Variants in VRTN observed in about 807,000 individuals in gnomAD.
VRTN encodes vertnin.
Under a neutral mutation model 18.2 loss-of-function variants are expected in VRTN, and 5 were observed. The observed-to-expected ratio is 0.27, with a 90% confidence interval of 0.14 to 0.58. The LOEUF is 0.58. VRTN is among the 20% of genes least tolerant of loss of function. The pLI, the probability that VRTN is intolerant of heterozygous loss-of-function variation, is 0.91. For synonymous variants in VRTN, 381 were observed against 393.7 expected (o/e 0.97, Z 0.38); for missense variants, 741 against 939.4 (o/e 0.79, Z 2.76).
At chr14:74,308,079 T>C (rs2140190617) in intron 1 of VRTN, among the ~76,000 whole-genome samples, 1 of 152,234 alleles carries the variant, frequency 6.6e-6, no homozygotes, top group Non-Finnish European at 1.5e-5. Flanking sequence ...GTGATCGATG[T>C]TTTCTTTTTA....
intron 1 of VRTN, among the ~76,000 whole-genome samples, chr14:74,334,414 C>T (rs2085550335): frequency 6.6e-6 from 1 of 151,998 alleles, no homozygotes; most frequent in Non-Finnish European, 1.5e-5. Context: ...CCTGTAGTCC[C>T]AGCTACTAGG....
intron 2 of VRTN, among the ~76,000 whole-genome samples, chr14:74,338,228 T>C (rs1034871321): frequency 1.3e-5 from 2 of 152,176 alleles, no homozygotes; most frequent in African/African-American, 4.8e-5. Context: ...CTAATCTATA[T>C]TCACACTTAC....
rs561214138 is a variant in VRTN at position 74,340,189 on chromosome 14, C to T, written c.-2+2305C>T. Among the ~76,000 whole-genome samples the T allele has an allele frequency of 1.5e-3, 221 of 151,150 alleles. 2 individuals are homozygous for T. Among genetic ancestry groups the T allele is most frequent in the Non-Finnish European group, 1.6e-3 (110 of 67,792 alleles). ...GTGCAAGGGCACGATCTCAGCTCAC[C>T]GCAACCTCCGCCTCCCAGGTTCAAG... On this transcript the variant is annotated intron_variant, in intron 2 of 2. Coordinates refer to the VRTN transcript ENST00000557177.
intron 1 of VRTN, among the ~76,000 whole-genome samples, chr14:74,353,883 C>T (rs1054835111): frequency 3.3e-5 from 5 of 151,880 alleles, no homozygotes; most frequent in African/African-American, 4.8e-5. Flanking sequence ...CCAGCGTGCC[C>T]GGCTAATTTT....
rs760073981 is a variant in VRTN at position 74,357,853 on chromosome 14, C to G, written c.1070C>G (p.Ser357Cys). ...GCCTGGAAGCATGAGCTGCTGGGCTCTGGCACCTGCCCGGCCTTGCCCCCC... is the reference window on the plus strand; with the variant it reads ...GCCTGGAAGCATGAGCTGCTGGGCTGTGGCACCTGCCCGGCCTTGCCCCCC... ...YYAWKHELLG[S>C]GTCPALPPRE... is the part of the protein sequence containing the mutation. The change falls in exon 2 of 2, where the codon TCT becomes TGT. Residue 357 changes from serine (S) to cysteine (C), a missense_variant. Ser to Cys is a moderately radical substitution (Grantham distance 112, BLOSUM62 -1). Transcript: ENST00000256362. The surrounding 1 kb of genome is among the most constrained non-coding windows in gnomAD (Gnocchi z 7.8). The G allele has an allele frequency of 3.1e-6, 5 of 1,613,824 alleles. No homozygotes were observed. In the East Asian group the frequency reaches 1.1e-4, roughly 36 times the overall value.
Position 74,357,261 on chromosome 14 carries a change from G to A in VRTN, c.478G>A (p.Asp160Asn), listed in dbSNP as rs1327794964. ...PATLEAIFDADVKASCFPSSF... is the reference protein window; with the variant it reads ...PATLEAIFDANVKASCFPSSF... ...CACGCTGGAGGCCATCTTCGATGCC[G>A]ACGTCAAGGCCTCCTGTTTCCCCAG... The change falls in exon 2 of 2, where the codon GAC (aspartate) becomes AAC (asparagine). Residue 160 changes from aspartate (D) to asparagine (N), a missense_variant. Asp to Asn is a conservative substitution (Grantham distance 23). Around this residue, in one of 3 missense-constraint regions of VRTN, gnomAD observed 186 missense variants for 288.3 expected, o/e 0.65. Transcript: ENST00000256362. This position sits in a 1 kb window ranked among gnomAD's most constrained non-coding sequence, Gnocchi z 7.8. 6.2e-7 allele frequency: 1 copy of A among 1,613,748 alleles called. No individual in the cohort carries two copies. The highest frequency in any genetic ancestry group is 8.5e-7 in the Non-Finnish European group (1 of 1,179,830).
chr14:74,351,963 C>G (rs912656003), intron 1 of VRTN, among the ~76,000 whole-genome samples: 10 of 152,004 alleles, frequency 6.6e-5, no homozygotes, highest in Non-Finnish European at 1.2e-4. Flanking sequence ...CCTGCCTCAG[C>G]CTCCCGAGTA....
At chr14:74,336,485 A>G (rs2085565287) in intron 1 of VRTN, among the ~76,000 whole-genome samples, 1 of 152,050 alleles carries the variant, frequency 6.6e-6, no homozygotes, top group South Asian at 2.1e-4. Context: ...TCTCCCAGAC[A>G]CTTCTTTCTA....
At chr14:74,322,392 G>T (rs1262554670) in intron 1 of VRTN, among the ~76,000 whole-genome samples, 1 of 151,636 alleles carries the variant, frequency 6.6e-6, no homozygotes. Flanking sequence ...TCGAGTGATT[G>T]TCCCTCCTCA....
intron 1 of VRTN, among the ~76,000 whole-genome samples, chr14:74,315,687 CAGAT>C (rs537651110): frequency 3.6e-3 from 543 of 152,304 alleles, no homozygotes; most frequent in Non-Finnish European, 4.7e-3. Context: ...AAATATAAAT[CAGAT>C]AGCGCTAAGA....
chr14:74,348,984 G>A (rs575236798), intron 1 of VRTN, among the ~76,000 whole-genome samples: 222 of 150,924 alleles, frequency 1.5e-3, no homozygotes, highest in African/African-American at 4.1e-3. Context: ...TGGATCCCTC[G>A]TCCCTGGAGC....
At position 74,357,041 on chromosome 14, in the gene VRTN, G is replaced by C; in HGVS notation, c.258G>C (p.Leu86=). The change falls in exon 2 of 2, where the codon CTG becomes CTC. Residue 86 remains leucine (L), a synonymous_variant. Transcript: ENST00000256362. This position sits in a 1 kb window ranked among gnomAD's most constrained non-coding sequence, Gnocchi z 7.8. The part of the protein sequence containing the change: ...PLVCKGEGSL[L]FEAASMLLWG... ...TGTGCAAGGGGGAGGGCAGCCTGCTGTTCGAGGCGGCCAGCATGCTGCTGT... is the reference window on the plus strand; with the variant it reads ...TGTGCAAGGGGGAGGGCAGCCTGCTCTTCGAGGCGGCCAGCATGCTGCTGT... 1 of 1,609,318 alleles carries C rather than the reference G, an allele frequency of 6.2e-7. No individual in the cohort carries two copies. The highest frequency in any genetic ancestry group is 8.5e-7 in the Non-Finnish European group (1 of 1,178,048).
rs190887559 is a variant in VRTN at position 74,318,206 on chromosome 14, G to C, written c.-164+15030G>C. On this transcript the variant is annotated intron_variant, in intron 1 of 2. Transcript: ENST00000557177. ...GCCATCTCCACCTCCCAGGTTCAAG[G>C]GATTCTCCTGCCTCAGCCTCCTGAA... is the stretch of plus-strand genomic sequence containing the variant. Among the ~76,000 whole-genome samples the C allele has an allele frequency of 2.9e-3, 442 of 151,938 alleles. 4 individuals carry two copies. The highest frequency in any genetic ancestry group is 0.01 in the African/African-American group (417 of 41,436).
rs764027910 is a variant in VRTN, at chr14:74,358,466, G to A, written c.1683G>A (p.Pro561=). The A allele has an allele frequency of 3.7e-5, 59 of 1,614,172 alleles. No homozygotes were observed. The highest frequency in any genetic ancestry group is 1.7e-4 in the Middle Eastern group (1 of 6,056). The part of the protein sequence containing the change: ...WPRGLSKLQV[P]VPTLGKGGQE... ...GAGGCCTGTCCAAACTTCAGGTGCC[G>A]GTCCCCACCTTGGGCAAAGGGGGGC... The change falls in exon 2 of 2, where the codon CCG becomes CCA. Residue 561 remains proline (P), a synonymous_variant. Transcript: ENST00000256362. The surrounding 1 kb of genome is among the most constrained non-coding windows in gnomAD (Gnocchi z 5.4).
upstream of VRTN, among the ~76,000 whole-genome samples, chr14:74,345,554 G>A (rs1226788845): frequency 6.6e-6 from 1 of 151,010 alleles, no homozygotes; most frequent in Non-Finnish European, 1.5e-5. Context: ...GTTTCACCAT[G>A]TTGGTGAAAC....
intron 1 of VRTN, among the ~76,000 whole-genome samples, chr14:74,337,362 A>AAAAC (rs200208868): frequency 7.9e-5 from 12 of 151,992 alleles, no homozygotes; most frequent in African/African-American, 2.4e-4. Context: ...AAAACAAACA[A>AAAAC]AAACAAACAA....
chr14:74,332,318 G>A (rs1407620655), intron 1 of VRTN, among the ~76,000 whole-genome samples: 1 of 136,142 alleles, frequency 7.3e-6, no homozygotes, highest in Non-Finnish European at 1.5e-5. Flanking sequence ...CCCCTCCGGA[G>A]GATCGACTCC....
chr14:74,306,156 ATATATATATATATATATT>A lies in VRTN; in HGVS notation c.-164+2982_-164+2999del, dbSNP rs1433351713. ...TATGTAAAAATATACATATATATATATATATATATATATATATTTTTTTTTTTTTTTTGAGACAGAGTC... is the reference window on the plus strand; with the variant it reads ...TATGTAAAAATATACATATATATATATTTTTTTTTTTTTTGAGACAGAGTC... On this transcript the variant is annotated intron_variant, in intron 1 of 2. Coordinates refer to the VRTN transcript ENST00000557177. 29 of 73,420 alleles carry A rather than the reference ATATATATATATATATATT, an allele frequency of 3.9e-4. 1 individual carries two copies. The highest frequency in any genetic ancestry group is 6.0e-4 in the Non-Finnish European group (24 of 40,262). 4.5% of individuals were successfully genotyped at this position (73,420 alleles called of 1,614,324 possible). A position where few individuals can be genotyped will look rare whatever the true frequency, so the allele number is the denominator to read the frequency against.
At chr14:74,319,482 C>A (rs1220518263) in intron 1 of VRTN, among the ~76,000 whole-genome samples, 5 of 152,194 alleles carry the variant, frequency 3.3e-5, no homozygotes, top group Admixed American at 3.3e-4. Flanking sequence ...CTATCAAAGA[C>A]CCCGCTTCAA....
Sources: gnomAD v4.1 joint callset for allele counts (sites outside exome capture counted in the v4.1 genomes callset) on GRCh38, gnomAD v4.1.1 for gene constraint, gnomAD v4.1.1 regional missense constraint, Gnocchi (gnomAD v3.1) non-coding constraint, MANE v1.5 for transcripts, NCBI Gene and HGNC (gene_info 2026-07-23, HGNC 2026-07-21) for gene names.